The following GNAQ variants were observed in gnomAD, a reference collection of about 807,000 sequenced individuals.
The protein encoded by GNAQ is guanine nucleotide-binding protein G(q) subunit alpha.
GNAQ carries 8 observed loss-of-function variants against 43.9 expected under a neutral mutation model. The ratio of observed to expected loss-of-function variants is 0.18; its 90% CI spans 0.11 to 0.33. The LOEUF (loss-of-function observed/expected upper bound fraction) is 0.33. GNAQ is among the 10% of genes least tolerant of loss of function. GNAQ has a pLI of 1.00. For missense variants in GNAQ, 158 were observed against 450.8 expected, an observed-to-expected ratio of 0.35 and a Z score of 5.88; for synonymous variants, 155 against 170.7, an observed-to-expected ratio of 0.91 and a Z score of 0.71.
At chr9:77,863,960 G>A (rs910807047) in intron 2 of GNAQ, among the ~76,000 whole-genome samples, 7 of 152,172 alleles carry the variant, frequency 4.6e-5, no homozygotes, top group African/African-American at 1.7e-4. Context: ...AGATTTGGGT[G>A]GGGACACAGC....
chr9:77,817,488 A>G (rs899503769), intron 2 of GNAQ, among the ~76,000 whole-genome samples: 4 of 152,192 alleles, frequency 2.6e-5, no homozygotes, highest in South Asian at 4.1e-4. Flanking sequence ...CTAACTTCTA[A>G]TTCTGGCTTT....
chr9:77,908,485 A>C (rs1264722491), intron 2 of GNAQ, among the ~76,000 whole-genome samples: 1 of 152,144 alleles, frequency 6.6e-6, no homozygotes, highest in Non-Finnish European at 1.5e-5. Context: ...ATTTCTCCTG[A>C]CCTAGCACTT....
chr9:77,828,634 G>C (rs561297468), intron 2 of GNAQ, among the ~76,000 whole-genome samples: 1 of 152,294 alleles, frequency 6.6e-6, no homozygotes, highest in African/African-American at 2.4e-5. Flanking sequence ...TTGCAGTCTA[G>C]CACAATTTTC....
At chr9:77,948,447 C>T (rs937362175) in intron 1 of GNAQ, among the ~76,000 whole-genome samples, 2 of 152,022 alleles carry the variant, frequency 1.3e-5, no homozygotes, top group Admixed American at 6.6e-5. Context: ...AGGCCTGACA[C>T]GGGACTACTC....
chr9:77,995,639 G>A (rs1355809173), intron 1 of GNAQ, among the ~76,000 whole-genome samples: 2 of 151,774 alleles, frequency 1.3e-5, no homozygotes, highest in Non-Finnish European at 2.9e-5. Context: ...CTAACTACTC[G>A]GCTAATTTTT....
At chr9:78,020,930 T>C (rs912540876) in intron 1 of GNAQ, among the ~76,000 whole-genome samples, 3 of 152,012 alleles carry the variant, frequency 2.0e-5, no homozygotes, top group Non-Finnish European at 4.4e-5. Context: ...GCCTGGCACC[T>C]CCAGTGGAAT....
intron 5 of GNAQ, among the ~76,000 whole-genome samples, chr9:77,775,260 A>AT (rs1341447212): frequency 6.6e-6 from 1 of 152,158 alleles, no homozygotes; most frequent in Admixed American, 6.5e-5. Context: ...ACTAACTACA[A>AT]TTAGCAATAA....
At chr9:77,982,711 A>T (rs1279030858) in intron 1 of GNAQ, among the ~76,000 whole-genome samples, 3 of 151,134 alleles carry the variant, frequency 2.0e-5, no homozygotes, top group Non-Finnish European at 4.4e-5. Flanking sequence ...CTCTACCTGT[A>T]TCGAACTGTT....
chr9:77,801,874 G>A (rs1424107151), intron 3 of GNAQ, among the ~76,000 whole-genome samples: 2 of 152,074 alleles, frequency 1.3e-5, no homozygotes, highest in Non-Finnish European at 2.9e-5. Flanking sequence ...AAAATTTATA[G>A]ACCACGAACG....
At chr9:77,866,982 A>C (rs879678803) in intron 2 of GNAQ, among the ~76,000 whole-genome samples, 20 of 152,360 alleles carry the variant, frequency 1.3e-4, no homozygotes, top group Admixed American at 1.3e-3. Flanking sequence ...GTAGGTAGTT[A>C]CTGAGCATGA....
At chr9:77,998,551 G>A (rs1028967923) in intron 1 of GNAQ, among the ~76,000 whole-genome samples, 2 of 152,108 alleles carry the variant, frequency 1.3e-5, no homozygotes, top group Non-Finnish European at 2.9e-5. Flanking sequence ...TTTATAAAAG[G>A]TACACATATA....
chr9:77,824,973 T>C (rs920096866), intron 2 of GNAQ, among the ~76,000 whole-genome samples: 1 of 152,216 alleles, frequency 6.6e-6, no homozygotes, highest in Admixed American at 6.5e-5. Context: ...AAATGCATTC[T>C]CTGCTGCTGC....
At chr9:77,879,410 C>A (rs1828176917) in intron 2 of GNAQ, among the ~76,000 whole-genome samples, 1 of 152,060 alleles carries the variant, frequency 6.6e-6, no homozygotes, top group Non-Finnish European at 1.5e-5. Context: ...ATTAGAGGCA[C>A]CCACCACCAC....
intron 3 of GNAQ, among the ~76,000 whole-genome samples, chr9:77,811,930 T>G (rs973401691): frequency 1.3e-5 from 2 of 152,134 alleles, no homozygotes; most frequent in African/African-American, 4.8e-5. Flanking sequence ...AAGAGAGTAT[T>G]CTACAAAAAA....
chr9:77,972,064 G>C lies in GNAQ; in HGVS notation c.137-49719C>G, dbSNP rs1823243348. Among the ~76,000 whole-genome samples the C allele has an allele frequency of 2.0e-5, 3 of 152,014 alleles. No homozygotes were observed. The South Asian group carries it at 6.2e-4, about 31-fold the overall frequency. On this transcript the variant is annotated intron_variant, in intron 1 of 6. Coordinates refer to ENST00000286548, the MANE Select transcript of GNAQ (RefSeq NM_002072.5). The stretch of plus-strand genomic sequence containing the variant: ...TAAGGAGATTTTGGGCTGAGATGAT[G>C]GGGTTTTCTAAATGTACAATCGTGT...
intron 5 of GNAQ, among the ~76,000 whole-genome samples, chr9:77,773,613 C>A (rs3780304): frequency 0.6 from 90,508 of 152,074 alleles, 27,981 homozygotes; most frequent in Middle Eastern, 0.71. Flanking sequence ...GGATTTGTAC[C>A]TCACAGTTGA....
At chr9:77,904,096 C>T (rs1406163974) in intron 2 of GNAQ, among the ~76,000 whole-genome samples, 2 of 152,010 alleles carry the variant, frequency 1.3e-5, no homozygotes, top group African/African-American at 4.8e-5. Context: ...TAGATAAAGC[C>T]CAGCCCTTTT....
At chr9:77,779,683 A>G (rs1378962703) in intron 5 of GNAQ, among the ~76,000 whole-genome samples, 1 of 20,500 alleles carries the variant, frequency 4.9e-5, no homozygotes, top group Non-Finnish European at 1.4e-4. Context: ...AACAAAACAA[A>G]AAAAAAAAAA....
intron 2 of GNAQ, among the ~76,000 whole-genome samples, chr9:77,918,022 C>A (rs1828939080): frequency 6.6e-6 from 1 of 152,272 alleles, no homozygotes; most frequent in African/African-American, 2.4e-5. Context: ...CTGACCACAG[C>A]ACCCTCCGGC....
Sources: allele counts gnomAD v4.1 joint callset (sites outside exome capture counted in the v4.1 genomes callset), GRCh38; gene constraint gnomAD v4.1.1; transcripts MANE v1.5; gene names NCBI Gene and HGNC (gene_info 2026-07-23, HGNC 2026-07-21).